KYNU: variants seen among roughly 807,000 people sequenced by gnomAD.
The protein encoded by KYNU is kynureninase, also known as L-kynurenine hydrolase.
In KYNU, 54 loss-of-function variants were observed where a neutral mutation model predicts 59.2. The observed-to-expected ratio is 0.91, with a 90% CI of 0.73 to 1.14. The LOEUF is 1.14. KYNU is among the 50% of genes most tolerant of loss of function. KYNU has a pLI of 0.00. For synonymous variants in KYNU, 177 were observed against 192.0 expected, an observed-to-expected ratio of 0.92 and a Z score of 0.65; for missense variants, 567 against 554.4, an observed-to-expected ratio of 1.02 and a Z score of -0.23.
intron 8 of KYNU, chr2:142,971,506 C>T (rs1239986265): frequency 1.3e-5 from 2 of 152,166 alleles, no homozygotes; most frequent in Non-Finnish European, 2.9e-5. Context: ...TCCTGCTATA[C>T]TTCCACACCA....
At chr2:142,913,665 T>C (rs1682579367) in intron 2 of KYNU, among the ~76,000 whole-genome samples, 1 of 152,226 alleles carries the variant, frequency 6.6e-6, no homozygotes, top group Non-Finnish European at 1.5e-5. Context: ...GAATGTATAA[T>C]CTGTGGTTGA....
chr2:142,898,743 C>T (rs1355657558), intron 2 of KYNU, among the ~76,000 whole-genome samples: 1 of 152,174 alleles, frequency 6.6e-6, no homozygotes, highest in African/African-American at 2.4e-5. Flanking sequence ...AAGATGGCAG[C>T]AAGCCTTTTG....
At chr2:142,899,875 T>G (rs1682014597) in intron 2 of KYNU, among the ~76,000 whole-genome samples, 1 of 152,164 alleles carries the variant, frequency 6.6e-6, no homozygotes, top group Non-Finnish European at 1.5e-5. Context: ...CCTGGTCCAG[T>G]AAATAATGAT....
chr2:143,016,203 TG>T (rs1230742425), intron 10 of KYNU, among the ~76,000 whole-genome samples: 1 of 152,256 alleles, frequency 6.6e-6, no homozygotes, highest in African/African-American at 2.4e-5. Flanking sequence ...ATTACTATCA[TG>T]TAAAATTTTA....
chr2:142,960,915 G>T (rs1025329497), intron 8 of KYNU, 145 bp downstream of exon 8: 21 of 930,506 alleles, frequency 2.3e-5, no homozygotes, highest in Non-Finnish European at 3.3e-5. Context: ...TAAACCTTGG[G>T]CCAGGCACGG....
intron 3 of KYNU, among the ~76,000 whole-genome samples, chr2:142,921,809 AATACATAC>A (rs11274854): frequency 0.074 from 10,958 of 147,830 alleles, 473 homozygotes; most frequent in Non-Finnish European, 0.093. Context: ...CATGTCTTTA[AATACATAC>A]ATACATACAT....
intron 3 of KYNU, among the ~76,000 whole-genome samples, chr2:142,920,290 T>C (rs536818067): frequency 6.6e-6 from 1 of 152,370 alleles, no homozygotes; most frequent in East Asian, 1.9e-4. Flanking sequence ...TAGCAAGTTT[T>C]AGTATTTAAT....
intron 8 of KYNU, among the ~76,000 whole-genome samples, chr2:142,962,723 A>C (rs1684391562): frequency 6.6e-6 from 1 of 152,232 alleles, no homozygotes; most frequent in African/African-American, 2.4e-5. Flanking sequence ...AGCAATCAAT[A>C]CTATGGGAAT....
At chr2:142,975,201 C>T (rs1684848701) in intron 8 of KYNU, among the ~76,000 whole-genome samples, 1 of 152,118 alleles carries the variant, frequency 6.6e-6, no homozygotes. Context: ...ACCCCAAACT[C>T]CTCTGGCAGA....
Position 143,055,103 on chromosome 2 carries a change from C to A in KYNU, c.*12931C>A, listed in dbSNP as rs112127297. 2.6e-5 allele frequency: 4 copies of A among 151,924 alleles called. No individual in the cohort carries two copies. The highest frequency in any genetic ancestry group is 9.7e-5 in the African/African-American group (4 of 41,350). The allele number at this position is 151,924 out of a possible 1,614,324, so 9.4% of individuals were successfully genotyped here. A position where few individuals can be genotyped will look rare whatever the true frequency, so the allele number is the denominator to read the frequency against. On this transcript the variant is annotated 3_prime_UTR_variant, in exon 14 of 14. Coordinates refer to ENST00000264170, the MANE Select transcript of KYNU (RefSeq NM_003937.3). ...TCCTCTGCAAAATTATAAAAAAGAA[C>A]GATGACAAACTAAAAAGGTGTAGTA...
intron 2 of KYNU, among the ~76,000 whole-genome samples, chr2:142,886,665 G>A (rs1392989642): frequency 6.6e-6 from 1 of 152,176 alleles, no homozygotes; most frequent in Non-Finnish European, 1.5e-5. Flanking sequence ...ACTGCTATGG[G>A]AGTGAATTGT....
intron 8 of KYNU, among the ~76,000 whole-genome samples, chr2:142,961,412 A>G (rs1385208751): frequency 6.6e-6 from 1 of 151,412 alleles, no homozygotes; most frequent in Admixed American, 6.6e-5. Context: ...GTCAGTCACC[A>G]GGAAGCAGAC....
intron 4 of KYNU, among the ~76,000 whole-genome samples, chr2:142,943,054 G>A (rs1280053842): frequency 1.3e-5 from 2 of 151,890 alleles, no homozygotes; most frequent in African/African-American, 4.8e-5. Flanking sequence ...TTGGGAAACT[G>A]CTGATCACGA....
At position 143,054,729 on chromosome 2, in the gene KYNU, G is replaced by C. The variant is rs1165314929; in HGVS notation, c.*12557G>C. On this transcript the variant is annotated 3_prime_UTR_variant, in exon 14 of 14. Coordinates refer to ENST00000264170, the MANE Select transcript of KYNU (RefSeq NM_003937.3). ...GGGCAATTAAATGATACCATAAAGA[G>C]TCAAATACAGGGCATGCAACATAGC... The C allele has an allele frequency of 6.6e-6, 1 of 152,136 alleles. No individual in the cohort carries two copies. The highest frequency in any genetic ancestry group is 2.4e-5 in the African/African-American group (1 of 41,422). The allele number at this position is 152,136 out of a possible 1,614,324, so 9.4% of individuals were successfully genotyped here. A position where few individuals can be genotyped will look rare whatever the true frequency, so the allele number is the denominator to read the frequency against.
At chr2:142,940,441 T>C (rs1683559903) in intron 4 of KYNU, among the ~76,000 whole-genome samples, 1 of 152,222 alleles carries the variant, frequency 6.6e-6, no homozygotes, top group Non-Finnish European at 1.5e-5. Context: ...TGCAAAAAGA[T>C]GTCCTTTGAC....
At chr2:142,988,038 A>G (rs370220520) in intron 10 of KYNU, among the ~76,000 whole-genome samples, 7 of 151,898 alleles carry the variant, frequency 4.6e-5, no homozygotes, top group South Asian at 2.1e-4. Context: ...AACCATGAAC[A>G]AATTAAACCT....
At chr2:142,904,970 C>T (rs72485550) in intron 2 of KYNU, among the ~76,000 whole-genome samples, 3,926 of 152,236 alleles carry the variant, frequency 0.026, 171 homozygotes, top group Admixed American at 0.11. Context: ...TAGAGCTGGG[C>T]TGAGTTCCTG....
chr2:142,964,464 T>C lies in KYNU; in HGVS notation c.729+3694T>C, dbSNP rs191455988. On this transcript the variant is annotated intron_variant, in intron 8 of 13. Transcript: ENST00000264170. Reference sequence around the variant, plus strand: ...TAGTTACTGTTTTCAGTCTTTATAATTTTAGCTGTTCTAAGTAGTTTGCAG... The same window carrying C: ...TAGTTACTGTTTTCAGTCTTTATAACTTTAGCTGTTCTAAGTAGTTTGCAG... Among the ~76,000 whole-genome samples the C allele has an allele frequency of 7.2e-5, 11 of 152,334 alleles. No individual in the cohort carries two copies. The East Asian group carries it at 2.1e-3, about 29-fold the overall frequency.
chr2:142,901,323 C>T (rs577792607), intron 2 of KYNU, among the ~76,000 whole-genome samples: 41 of 152,264 alleles, frequency 2.7e-4, no homozygotes, highest in African/African-American at 8.4e-4. Flanking sequence ...GAGGAAACTA[C>T]GTCCTTGTGA....
Sources: gnomAD v4.1 joint callset for allele counts (sites outside exome capture counted in the v4.1 genomes callset) on GRCh38, gnomAD v4.1.1 for gene constraint, MANE v1.5 for transcripts, NCBI Gene and HGNC (gene_info 2026-07-23, HGNC 2026-07-21) for gene names.